The following CNTNAP2 variants were observed in gnomAD, a reference collection of about 807,000 sequenced individuals.
CNTNAP2 encodes the protein contactin-associated protein-like 2.
In CNTNAP2, 98 loss-of-function variants were observed where a neutral mutation model predicts 155.2. The ratio of observed to expected loss-of-function variants is 0.63; its 90% CI spans 0.54 to 0.75. CNTNAP2 has a LOEUF of 0.75. CNTNAP2 is among the 30% of genes least tolerant of loss of function. The pLI is 0.00. For synonymous variants in CNTNAP2, 651 were observed against 631.2 expected (o/e 1.03, Z -0.47); for missense variants, 1,727 against 1,688.1 (o/e 1.02, Z -0.40).
chr7:148,119,250 A>G (rs1315498120), intron 16 of CNTNAP2, among the ~76,000 whole-genome samples: 1 of 151,966 alleles, frequency 6.6e-6, no homozygotes, highest in South Asian at 2.1e-4. Flanking sequence ...CCGGCCAGGC[A>G]CGGTGGCTCA....
chr7:148,212,449 A>G (rs1041859890), intron 18 of CNTNAP2, among the ~76,000 whole-genome samples: 2 of 152,158 alleles, frequency 1.3e-5, no homozygotes, highest in Non-Finnish European at 2.9e-5. Flanking sequence ...ATATCATAGA[A>G]TATCTAAATA....
intron 1 of CNTNAP2, among the ~76,000 whole-genome samples, chr7:146,664,223 A>G (rs2129166665): frequency 7.6e-6 from 1 of 132,196 alleles, no homozygotes; most frequent in South Asian, 2.3e-4. Context: ...GTGCAGTGGC[A>G]TGATCTCGGG....
At chr7:146,361,786 G>A (rs1240372865) in intron 1 of CNTNAP2, among the ~76,000 whole-genome samples, 1 of 141,446 alleles carries the variant, frequency 7.1e-6, no homozygotes, top group Admixed American at 8.0e-5. Flanking sequence ...AGACATAAAT[G>A]TCGGTTATGG....
intron 3 of CNTNAP2, among the ~76,000 whole-genome samples, chr7:147,006,097 C>T (rs983470334): frequency 2.0e-5 from 3 of 151,998 alleles, no homozygotes; most frequent in African/African-American, 7.2e-5. Context: ...TATTAACATG[C>T]ACACCATGCA....
chr7:147,350,967 A>G (rs1454236532), intron 9 of CNTNAP2, among the ~76,000 whole-genome samples: 2 of 151,806 alleles, frequency 1.3e-5, no homozygotes, highest in Non-Finnish European at 3.0e-5. Context: ...TCATTTGGCT[A>G]TTTTTAATAT....
At chr7:148,349,333 G>A (rs527946850) in intron 21 of CNTNAP2, among the ~76,000 whole-genome samples, 6 of 150,832 alleles carry the variant, frequency 4.0e-5, no homozygotes, top group African/African-American at 1.2e-4. Context: ...AAGAAGAATT[G>A]TTTTGGGCCA....
At chr7:146,350,087 G>A (rs576035288) in intron 1 of CNTNAP2, among the ~76,000 whole-genome samples, 137 of 152,110 alleles carry the variant, frequency 9.0e-4, no homozygotes, top group African/African-American at 3.3e-3. Flanking sequence ...TCCATTCTCC[G>A]TGTCACTTTC....
intron 4 of CNTNAP2, among the ~76,000 whole-genome samples, chr7:147,092,955 G>C (rs1390652941): frequency 1.3e-5 from 2 of 152,096 alleles, no homozygotes; most frequent in Non-Finnish European, 2.9e-5. Context: ...GGGCGCGGTG[G>C]CTCACGCCTG....
intron 10 of CNTNAP2, among the ~76,000 whole-genome samples, chr7:147,474,574 A>G (rs1290766575): frequency 1.3e-5 from 2 of 151,906 alleles, no homozygotes; most frequent in African/African-American, 4.8e-5. Context: ...CAAGAGTGAG[A>G]TTTTGTCTGA....
chr7:146,266,531 G>A (rs886558188), intron 1 of CNTNAP2, among the ~76,000 whole-genome samples: 1 of 152,122 alleles, frequency 6.6e-6, no homozygotes, highest in Non-Finnish European at 1.5e-5. Context: ...CTTGTGGAGA[G>A]ACTGATGTTC....
chr7:147,439,148 T>C (rs1475915476), intron 10 of CNTNAP2, among the ~76,000 whole-genome samples: 2 of 152,072 alleles, frequency 1.3e-5, no homozygotes. Context: ...GGTTTGTTCC[T>C]GCTTTTCCAG....
chr7:147,965,727 A>T (rs1469477342), intron 14 of CNTNAP2, among the ~76,000 whole-genome samples: 1 of 151,946 alleles, frequency 6.6e-6, no homozygotes, highest in African/African-American at 2.4e-5. Context: ...TTCTTCTTTC[A>T]TGCTGACACT....
chr7:148,219,685 A>G (rs973380867), intron 19 of CNTNAP2, among the ~76,000 whole-genome samples: 1 of 152,136 alleles, frequency 6.6e-6, no homozygotes, highest in African/African-American at 2.4e-5. Context: ...TAATTTTAAA[A>G]TTAACTGGGC....
intron 8 of CNTNAP2, among the ~76,000 whole-genome samples, chr7:147,267,500 G>T (rs1485372405): frequency 6.6e-6 from 1 of 151,898 alleles, no homozygotes; most frequent in Non-Finnish European, 1.5e-5. Flanking sequence ...CTGATGTTCT[G>T]TTTCAAAATT....
intron 1 of CNTNAP2, among the ~76,000 whole-genome samples, chr7:146,132,011 C>G (rs28595454): frequency 0.016 from 2,448 of 152,238 alleles, 46 homozygotes; most frequent in African/African-American, 0.055. Context: ...TTATGTGGAA[C>G]AGTGAGTCAA....
chr7:147,062,173 A>G (rs111269528), intron 4 of CNTNAP2, among the ~76,000 whole-genome samples: 3 of 135,418 alleles, frequency 2.2e-5, no homozygotes, highest in Non-Finnish European at 4.7e-5. Flanking sequence ...AAAAAAAACC[A>G]GTTCTTTATG....
chr7:147,953,888 T>A (rs1284564530), intron 14 of CNTNAP2, among the ~76,000 whole-genome samples: 1 of 152,150 alleles, frequency 6.6e-6, no homozygotes, highest in East Asian at 1.9e-4. Context: ...ACACTAGCCA[T>A]TGGATTAGGG....
chr7:146,437,010 A>G (rs1622999), intron 1 of CNTNAP2, among the ~76,000 whole-genome samples: 5,579 of 151,458 alleles, frequency 0.037, 577 homozygotes, highest in African/African-American at 0.13. Context: ...ATGCTGGTGT[A>G]TGGCCTGTTA....
chr7:146,501,116 G>T (rs879783898), intron 1 of CNTNAP2, among the ~76,000 whole-genome samples: 1 of 151,820 alleles, frequency 6.6e-6, no homozygotes, highest in Admixed American at 6.6e-5. Flanking sequence ...GGATGATGCA[G>T]TCTGCTAGTA....
Sources: gnomAD v4.1 joint callset for allele counts (sites outside exome capture counted in the v4.1 genomes callset) on GRCh38, gnomAD v4.1.1 for gene constraint, MANE v1.5 for transcripts, NCBI Gene and HGNC (gene_info 2026-07-23, HGNC 2026-07-21) for gene names.